EIF4ENIF1: variants seen among roughly 807,000 people sequenced by gnomAD.
EIF4ENIF1 encodes eukaryotic translation initiation factor 4E nuclear import factor 1, also known as eukaryotic translation initiation factor 4E transporter.
Under a neutral mutation model 110.5 loss-of-function variants are expected in EIF4ENIF1, and 23 were observed. The ratio of observed to expected loss-of-function variants is 0.21; its 90% CI spans 0.15 to 0.29. The LOEUF (loss-of-function observed/expected upper bound fraction) is 0.29. Among genes scored for constraint, EIF4ENIF1 ranks in the 10% least tolerant of loss-of-function variants. The pLI is 1.00. For missense variants in EIF4ENIF1, 1,031 were observed against 1,221.1 expected (o/e 0.84, Z 2.32); for synonymous variants, 440 against 437.0 (o/e 1.01, Z -0.09).
Position 31,441,758 on chromosome 22 carries a change from C to A in EIF4ENIF1, c.2551+16G>T. The A allele has an allele frequency of 6.3e-7, 1 of 1,595,118 alleles. No homozygotes were observed. The highest frequency in any genetic ancestry group is 8.6e-7 in the Non-Finnish European group (1 of 1,168,404). On this transcript the variant is annotated intron_variant, in intron 17 of 18. Coordinates refer to ENST00000330125, the MANE Select transcript of EIF4ENIF1 (RefSeq NM_019843.4). ...GCCCACAAACTGACGACACCCAAGT[C>A]AGGCTGGAAACTCACCAGTTTGGAG...
chr22:31,484,646 C>T (rs1300250365), intron 2 of EIF4ENIF1, among the ~76,000 whole-genome samples: 1 of 152,068 alleles, frequency 6.6e-6, no homozygotes, highest in Non-Finnish European at 1.5e-5. Context: ...CCAGCCTGAC[C>T]AACATGGAGA....
At chr22:31,453,252 T>C in intron 10 of EIF4ENIF1, 2 of 271,992 alleles carry the variant, frequency 7.4e-6, no homozygotes, top group East Asian at 9.4e-5. Flanking sequence ...ATTTACAAGG[T>C]GATATGCAGT....
intron 16 of EIF4ENIF1, among the ~76,000 whole-genome samples, chr22:31,442,485 A>T (rs2145895325): frequency 6.6e-6 from 1 of 152,222 alleles, no homozygotes; most frequent in Non-Finnish European, 1.5e-5. Flanking sequence ...TCAGATCTGT[A>T]CTTTTAACAC....
chr22:31,470,637 T>A (rs1218481116), intron 3 of EIF4ENIF1, among the ~76,000 whole-genome samples: 4 of 151,696 alleles, frequency 2.6e-5, no homozygotes, highest in African/African-American at 4.8e-5. Flanking sequence ...ACATTTTTTT[T>A]AACATATAAA....
chr22:31,474,033 G>A (rs2051483474), intron 2 of EIF4ENIF1, among the ~76,000 whole-genome samples: 1 of 151,278 alleles, frequency 6.6e-6, no homozygotes, highest in Non-Finnish European at 1.5e-5. Flanking sequence ...ATGTATTATT[G>A]GTATGGACTC....
At chr22:31,493,255 T>TCCTGACTTCATGATCCA (rs1446083460), upstream of EIF4ENIF1, among the ~76,000 whole-genome samples, 1 of 151,980 alleles carries the variant, frequency 6.6e-6, no homozygotes, top group Non-Finnish European at 1.5e-5. Flanking sequence ...GGTCTCGATC[T>TCCTGACTTCATGATCCA]CCTGACTTCA....
intron 17 of EIF4ENIF1, among the ~76,000 whole-genome samples, chr22:31,441,217 C>T (rs2050284683): frequency 6.6e-6 from 1 of 151,950 alleles, no homozygotes; most frequent in Admixed American, 6.6e-5. Flanking sequence ...CGCGCCACTG[C>T]ACTCTAGCCT....
At chr22:31,484,592 G>C (rs938574066) in intron 2 of EIF4ENIF1, among the ~76,000 whole-genome samples, 3 of 151,518 alleles carry the variant, frequency 2.0e-5, no homozygotes, top group Admixed American at 6.6e-5. Context: ...CCAGCAGTTT[G>C]GGAAGCCAAG....
intron 2 of EIF4ENIF1, among the ~76,000 whole-genome samples, chr22:31,475,907 G>A (rs2051554762): frequency 6.6e-6 from 1 of 151,560 alleles, no homozygotes; most frequent in Non-Finnish European, 1.5e-5. Context: ...GAAATCTTCA[G>A]GGCAAACATG....
At chr22:31,485,963 T>C (rs1395118700) in intron 2 of EIF4ENIF1, among the ~76,000 whole-genome samples, 1 of 148,424 alleles carries the variant, frequency 6.7e-6, no homozygotes, top group Non-Finnish European at 1.5e-5. Flanking sequence ...CAAAAAAAAA[T>C]AGGCCAGGTG....
At chr22:31,479,503 A>C (rs753276535) in intron 2 of EIF4ENIF1, 2 of 152,140 alleles carry the variant, frequency 1.3e-5, no homozygotes, top group African/African-American at 4.8e-5. Flanking sequence ...AAGAGTTCTT[A>C]AACTTGCCAT....
At chr22:31,471,650 C>T (rs2051384478) in intron 3 of EIF4ENIF1, among the ~76,000 whole-genome samples, 194 bp downstream of exon 3, 2 of 152,196 alleles carry the variant, frequency 1.3e-5, no homozygotes, top group African/African-American at 4.8e-5. Flanking sequence ...GACTATGTGA[C>T]TCTGACCAGG....
rs558130121 is a variant in EIF4ENIF1, at chr22:31,485,418, T to C, written c.96+3205A>G. On this transcript the variant is annotated intron_variant, in intron 2 of 18. Transcript: ENST00000330125. ...CCTAAAAATGATGTAAGCATAAAGA[T>C]AGAAACATACACAAAGATGAAATAT... 2.0e-4 allele frequency among the ~76,000 whole-genome samples: 31 copies of C among 152,248 alleles called. No homozygotes were observed. The East Asian group carries it at 4.0e-3, about 20-fold the overall frequency.
In EIF4ENIF1 at chr22:31,468,136, A is replaced by C. The variant is rs766516696; in HGVS notation, c.298+39T>G. 3 of 1,596,620 alleles carry C rather than the reference A, an allele frequency of 1.9e-6. No homozygotes were observed. In the Admixed American group the frequency reaches 5.1e-5, roughly 27 times the overall value. ...AACCAGCAGGCAAAAGCATGTCCCC[A>C]AAATCACTAACCCCACTTCTGAGTG... On this transcript the variant is annotated intron_variant, in intron 4 of 18. Coordinates refer to ENST00000330125, the MANE Select transcript of EIF4ENIF1 (RefSeq NM_019843.4).
intron 14 of EIF4ENIF1, among the ~76,000 whole-genome samples, chr22:31,447,168 T>G (rs138238007): frequency 6.6e-6 from 1 of 152,190 alleles, no homozygotes; most frequent in African/African-American, 2.4e-5. Flanking sequence ...ATTAGCAAAC[T>G]CAAGGAAAAA....
chr22:31,460,862 C>T (rs1214170275), intron 6 of EIF4ENIF1, among the ~76,000 whole-genome samples: 7 of 151,712 alleles, frequency 4.6e-5, no homozygotes, highest in Admixed American at 2.6e-4. Flanking sequence ...AGGAGAATGG[C>T]GTGAACCCGG....
rs374412084 is a variant in EIF4ENIF1, at chr22:31,471,908, A to G, written c.106T>C (p.Leu36=). The G allele has an allele frequency of 6.3e-6, 10 of 1,597,692 alleles. No individual in the cohort carries two copies. The highest frequency in any genetic ancestry group is 8.5e-6 in the Non-Finnish European group (10 of 1,176,056). The part of the protein sequence containing the change: ...CPHRYTKEEL[L]DIKELPHSKQ... ...GAATGGGGGAGTTCTTTTATATCCA[A>G]GAGTTCTTCCTAAAAAGAGAAGTCA... is the stretch of plus-strand genomic sequence containing the variant. Residue 36 remains leucine, a synonymous_variant, in exon 3 of 19, where the codon TTG becomes CTG. Transcript: ENST00000330125.
Position 31,441,882 on chromosome 22 carries a change from G to C in EIF4ENIF1, c.2443C>G (p.Pro815Ala), listed in dbSNP as rs750692840. The C allele has an allele frequency of 3.7e-6, 6 of 1,614,178 alleles. No individual in the cohort carries two copies. Among genetic ancestry groups the C allele is most frequent in the Non-Finnish European group, 5.1e-6 (6 of 1,180,038 alleles). The change falls in exon 17 of 19, where the codon CCC (proline) becomes GCC (alanine). Residue 815 changes from proline (P) to alanine (A), a missense_variant. This residue lies in a region of EIF4ENIF1 where 309 missense variants were observed against 299.1 expected (regional missense o/e 1.03). Transcript: ENST00000330125. ...GCAGGCCTAACCATAGGGACATGGG[G>C]GACAAGGGGAACTTGGTGGACAGGG... ...LRPVHQVPLVPHVPMVRPAHQ... is the reference protein window; with the variant it reads ...LRPVHQVPLVAHVPMVRPAHQ...
upstream of EIF4ENIF1, among the ~76,000 whole-genome samples, chr22:31,490,441 G>A (rs1347034987): frequency 6.6e-6 from 1 of 152,338 alleles, no homozygotes; most frequent in East Asian, 1.9e-4. Flanking sequence ...TTTCTAAAAT[G>A]GCCTCTGTAA....
Sources: gnomAD v4.1 joint callset for allele counts (sites outside exome capture counted in the v4.1 genomes callset) on GRCh38, gnomAD v4.1.1 for gene constraint, gnomAD v4.1.1 regional missense constraint, MANE v1.5 for transcripts, NCBI Gene and HGNC (gene_info 2026-07-23, HGNC 2026-07-21) for gene names.